Variants in PTPRC observed in about 807,000 individuals in gnomAD.
PTPRC encodes protein tyrosine phosphatase receptor type C.
In PTPRC, 44 loss-of-function variants were observed where a neutral mutation model predicts 155.9. The ratio of observed to expected loss-of-function variants is 0.28; its 90% confidence interval spans 0.22 to 0.36. The LOEUF (loss-of-function observed/expected upper bound fraction) is 0.36. Among genes scored for constraint, PTPRC ranks in the 10% least tolerant of loss-of-function variants. The pLI is 1.00. For missense variants in PTPRC, 1,401 were observed against 1,564.6 expected (o/e 0.90, Z 1.76); for synonymous variants, 525 against 533.1 (o/e 0.98, Z 0.21).
intron 25 of PTPRC, among the ~76,000 whole-genome samples, chr1:198,743,323 A>G (rs1456957194): frequency 6.6e-6 from 1 of 151,872 alleles, no homozygotes; most frequent in Non-Finnish European, 1.5e-5. Context: ...TAAAAAAAAC[A>G]TGAAAATGTA....
rs372582459 is a variant in PTPRC at position 198,705,292 on chromosome 1, A to G, written c.685+794A>G. ...GCCTTCATATGTCTGTTTAATTAAT[A>G]TGATCTTTTGTAATCCGGTTGTCAT... On this transcript the variant is annotated intron_variant, in intron 8 of 32. Coordinates refer to ENST00000442510, the MANE Select transcript of PTPRC (RefSeq NM_002838.5). 2.8e-4 allele frequency among the ~76,000 whole-genome samples: 43 copies of G among 152,076 alleles called. No homozygotes were observed. In the East Asian group the frequency reaches 5.2e-3, roughly 18 times the overall value.
In PTPRC at chr1:198,749,556, A is replaced by T. The variant is rs753557768; in HGVS notation, c.3072+7A>T. 3.2e-5 allele frequency: 51 copies of T among 1,610,148 alleles called. 1 individual carries two copies. In the South Asian group the frequency reaches 4.7e-4, roughly 15 times the overall value. ...CAATGCATCTTTTATAATGGTAGGT[A>T]CTTAAATTGCCAAAACCCAAGATCC... On this transcript the variant is annotated splice_region_variant and intron_variant, in intron 28 of 32. Transcript: ENST00000442510.
chr1:198,706,786 A>G lies in PTPRC; in HGVS notation c.738A>G (p.Lys246=). Residue 246 remains lysine, a synonymous_variant, in exon 9 of 33, where the codon AAA becomes AAG. Coordinates refer to ENST00000442510, the MANE Select transcript of PTPRC (RefSeq NM_002838.5). ...ATTACTTATATAACAAGGAAACTAA[A>G]TTATTTACAGCAAAGCTAAATGTTA... ...TVDYLYNKET[K]LFTAKLNVNE... 2 of 1,612,914 alleles carry G rather than the reference A, an allele frequency of 1.2e-6. No homozygotes were observed. The highest frequency in any genetic ancestry group is 1.7e-6 in the Non-Finnish European group (2 of 1,179,216).
chr1:198,701,785 A>C (rs1666474334), intron 5 of PTPRC, among the ~76,000 whole-genome samples: 1 of 152,230 alleles, frequency 6.6e-6, no homozygotes, highest in Non-Finnish European at 1.5e-5. Context: ...GGAAGCCTGA[A>C]TTGTGAAAGT....
rs1412892702 is a variant in PTPRC at position 198,709,153 on chromosome 1, C to T, written c.1034-534C>T. 3.3e-5 allele frequency among the ~76,000 whole-genome samples: 5 copies of T among 152,134 alleles called. No individual in the cohort carries two copies. In the East Asian group the frequency reaches 9.6e-4, roughly 29 times the overall value. On this transcript the variant is annotated intron_variant, in intron 10 of 32. Transcript: ENST00000442510. Reference sequence around the variant, plus strand: ...TATTTGCTATATACAGATTGGGCATCCCTAATCTGAAAATCCAGAATCCAA... The same window carrying T: ...TATTTGCTATATACAGATTGGGCATTCCTAATCTGAAAATCCAGAATCCAA...
Position 198,755,951 on chromosome 1 carries a change from G to T in PTPRC, c.3691G>T (p.Ala1231Ser). 6.2e-7 allele frequency: 1 copy of T among 1,612,738 alleles called. No individual in the cohort carries two copies. Among genetic ancestry groups the T allele is most frequent in the Middle Eastern group, 1.7e-4 (1 of 6,052 alleles). ...TGACGTCATTGCCAGCACCTACCCT[G>T]CTCAGAATGGACAAGTAAAGAAAAA... is the stretch of plus-strand genomic sequence containing the variant. ...LYDVIASTYP[A>S]QNGQVKKNNH... Residue 1231 changes from alanine to serine, a missense_variant, in exon 33 of 33, where the codon GCT (alanine) becomes TCT (serine). Transcript: ENST00000442510.
intron 11 of PTPRC, among the ~76,000 whole-genome samples, chr1:198,711,845 G>A (rs759047208): frequency 6.6e-6 from 1 of 152,080 alleles, no homozygotes; most frequent in Non-Finnish European, 1.5e-5. Context: ...ATACACAGGT[G>A]GTTAATAAGC....
In PTPRC at chr1:198,663,325, T is replaced by C. The variant is rs143909589; in HGVS notation, c.73+23984T>C. 1.6e-4 allele frequency among the ~76,000 whole-genome samples: 25 copies of C among 152,352 alleles called. No individual in the cohort carries two copies. The East Asian group carries it at 4.6e-3, about 28-fold the overall frequency. On this transcript the variant is annotated intron_variant, in intron 2 of 32. Transcript: ENST00000442510. ...TGAATAATAATAGTCTTTAACTTTTTATCTTTTGAAAAATAGAATTCTCAG... is the reference window on the plus strand; with the variant it reads ...TGAATAATAATAGTCTTTAACTTTTCATCTTTTGAAAAATAGAATTCTCAG...
chr1:198,711,856 A>T (rs1241338307), intron 11 of PTPRC, among the ~76,000 whole-genome samples: 1 of 152,256 alleles, frequency 6.6e-6, no homozygotes, highest in Non-Finnish European at 1.5e-5. Context: ...GTTAATAAGC[A>T]CATTAAATGA....
intron 13 of PTPRC, 148 bp downstream of exon 13, chr1:198,716,988 T>C (rs1006229534): frequency 4.3e-6 from 3 of 701,806 alleles, no homozygotes; most frequent in African/African-American, 3.6e-5. Context: ...ACGTAAAATC[T>C]AAAAGTTTAA....
intron 16 of PTPRC, 112 bp from the exon 17 acceptor site, chr1:198,729,025 T>A: frequency 8.2e-7 from 1 of 1,216,402 alleles, no homozygotes; most frequent in Non-Finnish European, 1.1e-6. Flanking sequence ...CCTTTTCTTA[T>A]CCCTGACTTC....
intron 2 of PTPRC, among the ~76,000 whole-genome samples, chr1:198,663,602 C>A (rs746325683): frequency 6.6e-6 from 1 of 152,094 alleles, no homozygotes; most frequent in Non-Finnish European, 1.5e-5. Flanking sequence ...GACCTAGTGG[C>A]CTTGATATAT....
rs1468266247 is a variant in PTPRC at position 198,664,656 on chromosome 1, C to T, written c.73+25315C>T. 2.0e-5 allele frequency among the ~76,000 whole-genome samples: 3 copies of T among 152,236 alleles called. No homozygotes were observed. In the East Asian group the frequency reaches 5.8e-4, roughly 29 times the overall value. On this transcript the variant is annotated intron_variant, in intron 2 of 32. Transcript: ENST00000442510. ...TCTAACCGAAATATACCAGGAACTG[C>T]TCTCCTCTTCATCTCAGATGTCTAC...
intron 31 of PTPRC, 135 bp from the exon 32 acceptor site, chr1:198,754,134 T>C (rs1383791923): frequency 9.1e-6 from 10 of 1,097,124 alleles, no homozygotes; most frequent in Non-Finnish European, 1.3e-5. Context: ...AATTTGGTTC[T>C]TGAAAGAGGT....
chr1:198,694,955 T>G (rs1666122091), intron 3 of PTPRC: 1 of 981,316 alleles, frequency 1.0e-6, no homozygotes, highest in East Asian at 1.1e-4. Flanking sequence ...TGGATTTATT[T>G]GTGAGTTATT....
intron 5 of PTPRC, 86 bp downstream of exon 5, chr1:198,699,790 CTTATTCAA>C: frequency 6.5e-7 from 1 of 1,548,172 alleles, no homozygotes; most frequent in Non-Finnish European, 8.9e-7. Flanking sequence ...AATCTAACCA[CTTATTCAA>C]TGTGCAGCTA....
At chr1:198,703,560 G>A in intron 7 of PTPRC, 188 bp downstream of exon 7, 1 of 818,486 alleles carries the variant, frequency 1.2e-6, no homozygotes, top group Non-Finnish European at 1.9e-6. Flanking sequence ...GATGAGATCA[G>A]GATGTAATTG....
intron 2 of PTPRC, chr1:198,680,079 C>T (rs778044954): frequency 5.2e-5 from 23 of 446,556 alleles, no homozygotes; most frequent in Non-Finnish European, 9.2e-5. Context: ...GGGAGTGCCA[C>T]TAGGCAAGGC....
At position 198,709,784 on chromosome 1, in the gene PTPRC, G is replaced by A; in HGVS notation, c.1131G>A (p.Lys377=). The change falls in exon 11 of 33, where the codon AAG becomes AAA. Residue 377 remains lysine (K), a synonymous_variant. Transcript: ENST00000442510. ...CAGAAATACTCTATAATAACCACAAGTTTACTAACGCAAGTAAAATTATTA... is the reference window on the plus strand; with the variant it reads ...CAGAAATACTCTATAATAACCACAAATTTACTAACGCAAGTAAAATTATTA... ...CDSEILYNNH[K]FTNASKIIKT... 3 of 1,612,574 alleles carry A rather than the reference G, an allele frequency of 1.9e-6. No homozygotes were observed. The highest frequency in any genetic ancestry group is 1.1e-5 in the South Asian group (1 of 90,836).
Sources: gnomAD v4.1 joint callset for allele counts (sites outside exome capture counted in the v4.1 genomes callset) on GRCh38, gnomAD v4.1.1 for gene constraint, MANE v1.5 for transcripts, NCBI Gene and HGNC (gene_info 2026-07-23, HGNC 2026-07-21) for gene names.